The following WNK1 variants were observed in gnomAD, a reference collection of about 807,000 sequenced individuals.
WNK1 encodes the protein WNK lysine deficient protein kinase 1.
In WNK1, 38 loss-of-function variants were observed where a neutral mutation model predicts 222.8. The observed-to-expected ratio is 0.17, with a 90% confidence interval of 0.13 to 0.22. The LOEUF (loss-of-function observed/expected upper bound fraction) is 0.22. Among genes scored for constraint, WNK1 ranks in the 10% least tolerant of loss-of-function variants. The pLI, the probability that WNK1 is intolerant of heterozygous loss-of-function variation, is 1.00. For missense variants in WNK1, 2,348 were observed against 2,918.4 expected (o/e 0.80, Z 4.50); for synonymous variants, 1,090 against 1,092.9 (o/e 1.00, Z 0.05).
At position 882,201 on chromosome 12, in the gene WNK1, ATT is replaced by A. The variant is rs869267090; in HGVS notation, c.3372+141_3372+142del. 3.0e-3 allele frequency: 2,599 copies of A among 876,574 alleles called. 2 individuals carry two copies. The highest frequency in any genetic ancestry group is 3.4e-3 in the Middle Eastern group (9 of 2,642). 54.3% of individuals were successfully genotyped at this position (876,574 alleles called of 1,614,324 possible). A position where few individuals can be genotyped will look rare whatever the true frequency, so the allele number is the denominator to read the frequency against. ...GATAACTATCTGTGTGTGACAGATAATTTTTTTTTTTTTTAGACGGAGTCTCG... is the reference window on the plus strand; with the variant it reads ...GATAACTATCTGTGTGTGACAGATAATTTTTTTTTTTTAGACGGAGTCTCG... On this transcript the variant is annotated intron_variant, in intron 14 of 27. Transcript: ENST00000315939.
chr12:822,977 C>T (rs1232853258), intron 2 of WNK1, among the ~76,000 whole-genome samples: 1 of 152,020 alleles, frequency 6.6e-6, no homozygotes, highest in Non-Finnish European at 1.5e-5. Context: ...TTTTATTTAC[C>T]TGGGAATATC....
chr12:903,370 T>C (rs1016546414), intron 26 of WNK1, among the ~76,000 whole-genome samples: 2 of 152,144 alleles, frequency 1.3e-5, no homozygotes, highest in African/African-American at 4.8e-5. Flanking sequence ...CAGACTTTCC[T>C]GGACTGTGCA....
At chr12:878,412 G>T (rs759162718) in intron 10 of WNK1, 51 bp downstream of exon 10, 3 of 1,571,186 alleles carry the variant, frequency 1.9e-6, no homozygotes, top group African/African-American at 1.4e-5. Context: ...TTCTGAAAGG[G>T]TGCTAAAAGG....
At position 900,577 on chromosome 12, in the gene WNK1, C is replaced by T; in HGVS notation, c.6550C>T (p.Pro2184Ser). The change falls in exon 26 of 28, where the codon CCC becomes TCC. Residue 2184 changes from proline (P) to serine (S), a missense_variant. By Grantham distance (74) the Pro-to-Ser change is moderately conservative. This residue lies in a region of WNK1 where 1,144 missense variants were observed against 1,273.6 expected (regional missense o/e 0.90). Coordinates refer to ENST00000315939, the MANE Select transcript of WNK1 (RefSeq NM_018979.4). ...GTCCGGGCAGAATCAGCTGTTACAGCCCCTTAAGCCATCTCCCTCCAGTGA... is the reference window on the plus strand; with the variant it reads ...GTCCGGGCAGAATCAGCTGTTACAGTCCCTTAAGCCATCTCCCTCCAGTGA... ...PESGQNQLLQ[P>S]LKPSPSSDNL... 1 of 1,614,238 alleles carries T rather than the reference C, an allele frequency of 6.2e-7. No individual in the cohort carries two copies. The highest frequency in any genetic ancestry group is 1.1e-5 in the South Asian group (1 of 91,088).
intron 1 of WNK1, among the ~76,000 whole-genome samples, chr12:778,162 C>T (rs545768436): frequency 6.6e-5 from 10 of 152,056 alleles, no homozygotes; most frequent in Non-Finnish European, 1.3e-4. Flanking sequence ...GTTTACTTGA[C>T]CTGTGGGAAA....
Position 897,652 on chromosome 12 carries a change from C to T in WNK1, c.6419C>T (p.Ser2140Phe). The change falls in exon 25 of 28, where the codon TCC (serine) becomes TTC (phenylalanine). Residue 2140 changes from serine to phenylalanine, a missense_variant. By Grantham distance (155) the Ser-to-Phe change is radical. This residue lies in a region of WNK1 where 1,144 missense variants were observed against 1,273.6 expected (regional missense o/e 0.90). Coordinates refer to ENST00000315939, the MANE Select transcript of WNK1 (RefSeq NM_018979.4). ...SKGSKSSRSS[S>F]LGNKSPQLSG... The stretch of plus-strand genomic sequence containing the variant: ...GGCAGCAAATCTAGTCGAAGCAGTT[C>T]CTTGGGGAATAAAAGCCCCCAGCTT... 6.2e-7 allele frequency: 1 copy of T among 1,614,160 alleles called. No individual in the cohort carries two copies. The highest frequency in any genetic ancestry group is 8.5e-7 in the Non-Finnish European group (1 of 1,180,028).
intron 26 of WNK1, among the ~76,000 whole-genome samples, chr12:903,187 T>C (rs1320577949): frequency 1.3e-5 from 2 of 152,218 alleles, no homozygotes; most frequent in African/African-American, 4.8e-5. Context: ...TATTTGTACC[T>C]GTATTAGTAA....
chr12:908,879 A>T lies in WNK1; in HGVS notation c.*87A>T, dbSNP rs1400749179. On this transcript the variant is annotated 3_prime_UTR_variant, in exon 28 of 28. Coordinates refer to ENST00000315939, the MANE Select transcript of WNK1 (RefSeq NM_018979.4). ...GGGGTGGGAAGTAGCCTATATACTA[A>T]CTACTAGTGCTGCATTTAACTGGTT... 7.4e-7 allele frequency: 1 copy of T among 1,343,344 alleles called. No homozygotes were observed. Among genetic ancestry groups the T allele is most frequent in the East Asian group, 2.4e-5 (1 of 41,754 alleles). 83.2% of individuals were successfully genotyped at this position (1,343,344 alleles called of 1,614,324 possible). A position where few individuals can be genotyped will look rare whatever the true frequency, so the allele number is the denominator to read the frequency against.
intron 19 of WNK1, 53 bp from the exon 20 acceptor site, chr12:887,168 C>T: frequency 6.7e-7 from 1 of 1,485,998 alleles, no homozygotes; most frequent in South Asian, 1.1e-5. Context: ...CTTCAGTACG[C>T]AGTCTTTATA....
chr12:784,448 G>C (rs1372504206), intron 1 of WNK1, among the ~76,000 whole-genome samples: 2 of 151,878 alleles, frequency 1.3e-5, no homozygotes, highest in Admixed American at 1.3e-4. Flanking sequence ...CCTTTGATGT[G>C]ATTGTCTTAT....
intron 22 of WNK1, among the ~76,000 whole-genome samples, chr12:891,162 G>A (rs190637416): frequency 2.1e-3 from 326 of 151,842 alleles, no homozygotes; most frequent in African/African-American, 7.5e-3. Flanking sequence ...TTTTTGAAGT[G>A]GAGTTTGCTC....
chr12:803,405 G>A (rs1160191900), intron 1 of WNK1, among the ~76,000 whole-genome samples: 1 of 152,178 alleles, frequency 6.6e-6, no homozygotes, highest in Non-Finnish European at 1.5e-5. Flanking sequence ...ATATACAATA[G>A]CGTGATAAAT....
intron 1 of WNK1, among the ~76,000 whole-genome samples, chr12:792,513 A>C (rs998917525): frequency 3.3e-5 from 5 of 151,734 alleles, no homozygotes; most frequent in Non-Finnish European, 7.4e-5. Flanking sequence ...GTGGGGTTTC[A>C]CCATGTTGGC....
chr12:753,317 C>T lies in WNK1; in HGVS notation c.-249C>T, dbSNP rs1223755361. On this transcript the variant is annotated 5_prime_UTR_variant, in exon 1 of 28. Coordinates refer to ENST00000315939, the MANE Select transcript of WNK1 (RefSeq NM_018979.4). This position sits in a 1 kb window ranked among gnomAD's most constrained non-coding sequence, Gnocchi z 5.2. ...CGGCGCTAACCCCCGTGGCTCAGCT[C>T]CCGAATCGCCCGCCTTCGAGCCCTC... is the stretch of plus-strand genomic sequence containing the variant. 2.0e-5 allele frequency: 11 copies of T among 562,814 alleles called. No homozygotes were observed. Among genetic ancestry groups the T allele is most frequent in the South Asian group, 4.2e-5 (2 of 47,276 alleles). The allele number at this position is 562,814 out of a possible 1,614,324, so 34.9% of individuals were successfully genotyped here.
In WNK1 at chr12:909,599, T is replaced by A. The variant is rs1197204004; in HGVS notation, c.*807T>A. On this transcript the variant is annotated 3_prime_UTR_variant, in exon 28 of 28. Coordinates refer to ENST00000315939, the MANE Select transcript of WNK1 (RefSeq NM_018979.4). ...GACACTTTAACTTTTTCCTTTGTAT[T>A]TCCATTGTATTAGATAAATAAATGT... The A allele has an allele frequency of 6.6e-6, 1 of 152,230 alleles. No homozygotes were observed. Among genetic ancestry groups the A allele is most frequent in the African/African-American group, 2.4e-5 (1 of 41,456 alleles). 9.4% of individuals were successfully genotyped at this position (152,230 alleles called of 1,614,324 possible).
chr12:815,653 G>A (rs1466396929), intron 2 of WNK1, among the ~76,000 whole-genome samples: 1 of 152,206 alleles, frequency 6.6e-6, no homozygotes, highest in Non-Finnish European at 1.5e-5. Flanking sequence ...ATAAGTGTTT[G>A]AATGAATTAA....
At position 827,663 on chromosome 12, in the gene WNK1, G is replaced by A. The variant is rs940511786; in HGVS notation, c.1153+401G>A. 6.6e-6 allele frequency among the ~76,000 whole-genome samples: 1 copy of A among 151,972 alleles called. No individual in the cohort carries two copies. Among genetic ancestry groups the A allele is most frequent in the Non-Finnish European group, 1.5e-5 (1 of 67,984 alleles). On this transcript the variant is annotated intron_variant, in intron 3 of 27. Coordinates refer to ENST00000315939, the MANE Select transcript of WNK1 (RefSeq NM_018979.4). This position sits in a 1 kb window ranked among gnomAD's most constrained non-coding sequence, Gnocchi z 4.6. ...TGTGCCTCAGCCTCCCGAGTAGCTG[G>A]GATTACAGGCATGCATCACCATGCC...
Position 904,352 on chromosome 12 carries a change from GC to G in WNK1, c.6644-3494del, listed in dbSNP as rs1955523903. 1.1e-5 allele frequency: 10 copies of G among 928,716 alleles called. No individual in the cohort carries two copies. In the South Asian group the frequency reaches 1.4e-4, roughly 13 times the overall value. The allele number at this position is 928,716 out of a possible 1,614,324, so 57.5% of individuals were successfully genotyped here. A position where few individuals can be genotyped will look rare whatever the true frequency, so the allele number is the denominator to read the frequency against. ...GTCCTACCTATCTGTCTCACCTCCT[GC>G]TTTCTCTTGCTGGGCGTTTGTGTGC... is the stretch of plus-strand genomic sequence containing the variant. On this transcript the variant is annotated intron_variant, in intron 26 of 27. Coordinates refer to ENST00000315939, the MANE Select transcript of WNK1 (RefSeq NM_018979.4).
chr12:899,373 A>G (rs895225620), intron 25 of WNK1, among the ~76,000 whole-genome samples: 2 of 152,028 alleles, frequency 1.3e-5, no homozygotes, highest in African/African-American at 2.4e-5. Context: ...GGTTCAAGCA[A>G]TTCTCATGCC....
Sources: allele counts gnomAD v4.1 joint callset (sites outside exome capture counted in the v4.1 genomes callset), GRCh38; gene constraint gnomAD v4.1.1; regional missense constraint gnomAD v4.1.1; non-coding constraint Gnocchi (gnomAD v3.1); transcripts MANE v1.5; gene names NCBI Gene and HGNC (gene_info 2026-07-23, HGNC 2026-07-21).